Variants in BMPR1B observed in about 807,000 individuals in gnomAD.
BMPR1B encodes bone morphogenetic protein receptor type-1B.
BMPR1B carries 12 observed loss-of-function variants against 59.1 expected under a neutral mutation model. The observed-to-expected ratio is 0.20, with a 90% CI of 0.13 to 0.33. The LOEUF (loss-of-function observed/expected upper bound fraction) is 0.33, where lower values mean the gene tolerates loss of function less well. BMPR1B is among the 10% of genes least tolerant of loss of function. BMPR1B has a pLI of 1.00. For missense variants in BMPR1B, 550 were observed against 610.9 expected (o/e 0.90, Z 1.05); for synonymous variants, 237 against 207.3 (o/e 1.14, Z -1.23).
intron 2 of BMPR1B, among the ~76,000 whole-genome samples, chr4:94,885,681 A>G (rs1043815591): frequency 1.3e-5 from 2 of 152,148 alleles, no homozygotes; most frequent in Admixed American, 1.3e-4. Context: ...GGCAGAACAA[A>G]TATTTTGAAA....
chr4:95,123,144 TA>T (rs1487844330), intron 6 of BMPR1B, among the ~76,000 whole-genome samples: 1 of 152,196 alleles, frequency 6.6e-6, no homozygotes, highest in Non-Finnish European at 1.5e-5. Context: ...GAACTAGAGT[TA>T]AAATGAGTAG....
intron 1 of BMPR1B, among the ~76,000 whole-genome samples, chr4:94,847,179 A>T (rs1368588861): frequency 6.6e-6 from 1 of 152,242 alleles, no homozygotes; most frequent in Non-Finnish European, 1.5e-5. Context: ...AGGTATATAA[A>T]AAGGTGCTAG....
chr4:95,135,675 G>A (rs1173725898), intron 10 of BMPR1B, among the ~76,000 whole-genome samples: 2 of 152,168 alleles, frequency 1.3e-5, no homozygotes, highest in East Asian at 3.9e-4. Context: ...TCTGTTATTT[G>A]TGTATAAGAA....
chr4:94,838,145 G>C (rs1244123159), intron 1 of BMPR1B, among the ~76,000 whole-genome samples: 1 of 140,172 alleles, frequency 7.1e-6, no homozygotes, highest in Non-Finnish European at 1.6e-5. Context: ...TTGATGTGCT[G>C]CTGGATTCGT....
intron 1 of BMPR1B, among the ~76,000 whole-genome samples, chr4:94,815,016 A>G (rs1578675366): frequency 6.6e-6 from 1 of 151,760 alleles, no homozygotes; most frequent in African/African-American, 2.4e-5. Context: ...CTATTCTCCT[A>G]CCTCAGGCTT....
intron 1 of BMPR1B, among the ~76,000 whole-genome samples, chr4:94,810,044 A>G (rs1723753858): frequency 6.6e-6 from 1 of 152,180 alleles, no homozygotes; most frequent in Non-Finnish European, 1.5e-5. Flanking sequence ...GCAATTGACA[A>G]AGATCCAAAT....
intron 3 of BMPR1B, chr4:95,103,653 A>G (rs867784602): frequency 3.5e-5 from 9 of 257,678 alleles, no homozygotes; most frequent in Middle Eastern, 4.0e-3. Context: ...TTATCTAAGG[A>G]CAACTAACTT....
chr4:95,079,933 C>T (rs939926024), intron 3 of BMPR1B, among the ~76,000 whole-genome samples: 3 of 152,080 alleles, frequency 2.0e-5, no homozygotes, highest in Non-Finnish European at 4.4e-5. Context: ...CTTGTTTACT[C>T]TCATATTAAT....
chr4:95,045,141 C>T (rs1223753730), intron 3 of BMPR1B, among the ~76,000 whole-genome samples: 1 of 152,066 alleles, frequency 6.6e-6, no homozygotes, highest in Non-Finnish European at 1.5e-5. Context: ...AATTTTATTC[C>T]AAACAGTATT....
chr4:95,120,550 G>A (rs1487560381), intron 6 of BMPR1B, among the ~76,000 whole-genome samples: 2 of 151,454 alleles, frequency 1.3e-5, no homozygotes, highest in African/African-American at 4.9e-5. Context: ...ACTGATAAAC[G>A]AGTTCAGCAA....
At chr4:94,967,429 A>G (rs747973801) in intron 2 of BMPR1B, among the ~76,000 whole-genome samples, 3 of 151,872 alleles carry the variant, frequency 2.0e-5, no homozygotes, top group African/African-American at 7.3e-5. Context: ...TTCTTCTATT[A>G]TAGATTTCCC....
chr4:94,762,177 A>G (rs1287139149), intron 1 of BMPR1B, among the ~76,000 whole-genome samples: 1 of 152,190 alleles, frequency 6.6e-6, no homozygotes, highest in Non-Finnish European at 1.5e-5. Context: ...TTTTACTTAA[A>G]TGTTTGAATG....
chr4:94,988,723 T>C (rs779592467), intron 2 of BMPR1B, among the ~76,000 whole-genome samples: 4 of 152,182 alleles, frequency 2.6e-5, no homozygotes, highest in African/African-American at 4.8e-5. Context: ...GGTAGACTTA[T>C]GTATGATTTT....
chr4:94,961,398 G>GC (rs1463797065), intron 2 of BMPR1B, among the ~76,000 whole-genome samples: 12 of 152,084 alleles, frequency 7.9e-5, no homozygotes, highest in Admixed American at 7.9e-4. Flanking sequence ...GAAAATGTTT[G>GC]CTGATCTCTG....
chr4:94,933,622 C>T (rs1729177520), intron 2 of BMPR1B, among the ~76,000 whole-genome samples: 1 of 152,066 alleles, frequency 6.6e-6, no homozygotes, highest in Admixed American at 6.6e-5. Flanking sequence ...TTTAACATCA[C>T]TTTAGTAAAG....
At chr4:94,802,133 A>G (rs1723432144) in intron 1 of BMPR1B, among the ~76,000 whole-genome samples, 2 of 152,202 alleles carry the variant, frequency 1.3e-5, no homozygotes, top group African/African-American at 2.4e-5. Context: ...GTAGTTTCTT[A>G]CCACCGTTGT....
At chr4:94,943,095 A>G (rs1265294718) in intron 2 of BMPR1B, among the ~76,000 whole-genome samples, 1 of 152,188 alleles carries the variant, frequency 6.6e-6, no homozygotes, top group Non-Finnish European at 1.5e-5. Context: ...TATGGAGGTG[A>G]AAAGAGATGG....
intron 2 of BMPR1B, among the ~76,000 whole-genome samples, chr4:94,987,055 T>TATA (rs1396251076): frequency 7.0e-6 from 1 of 142,164 alleles, no homozygotes; most frequent in Non-Finnish European, 1.5e-5. Flanking sequence ...AAAATATATA[T>TATA]ATATATAATA....
chr4:94,974,331 C>A (rs1297631980), intron 2 of BMPR1B, among the ~76,000 whole-genome samples: 1 of 151,560 alleles, frequency 6.6e-6, no homozygotes, highest in East Asian at 1.9e-4. Context: ...CATTTTTAAT[C>A]ATTCATTTTT....
Sources: allele counts gnomAD v4.1 joint callset (sites outside exome capture counted in the v4.1 genomes callset), GRCh38; gene constraint gnomAD v4.1.1; transcripts MANE v1.5; gene names NCBI Gene and HGNC (gene_info 2026-07-23, HGNC 2026-07-21).